The following RABGEF1 variants were observed in gnomAD, a reference collection of about 807,000 sequenced individuals.
RABGEF1 encodes rab5 GDP/GTP exchange factor.
In RABGEF1, 26 loss-of-function variants were observed where a neutral mutation model predicts 57.3. The ratio of observed to expected loss-of-function variants is 0.45; its 90% CI spans 0.33 to 0.63. RABGEF1 has a LOEUF of 0.63. RABGEF1 is among the 20% of genes least tolerant of loss of function. The pLI is 0.02. For synonymous variants in RABGEF1, 185 were observed against 210.7 expected, an observed-to-expected ratio of 0.88 and a Z score of 1.06; for missense variants, 464 against 607.6, an observed-to-expected ratio of 0.76 and a Z score of 2.48.
At chr7:66,706,780 T>G (rs1794158459) in intron 1 of RABGEF1, among the ~76,000 whole-genome samples, 1 of 100,636 alleles carries the variant, frequency 9.9e-6, no homozygotes, top group Non-Finnish European at 2.2e-5. Context: ...ACATACTGGT[T>G]TTTTTTTTTT....
upstream of RABGEF1, among the ~76,000 whole-genome samples, chr7:66,681,618 G>A (rs1789746142): frequency 6.6e-6 from 1 of 152,024 alleles, no homozygotes. Flanking sequence ...GGCCCAGGGT[G>A]GTCTCGAACT....
intron 3 of RABGEF1, among the ~76,000 whole-genome samples, chr7:66,779,671 A>T (rs532142277): frequency 2.4e-4 from 26 of 110,278 alleles, no homozygotes; most frequent in Middle Eastern, 4.6e-3. Context: ...GACCCTGATT[A>T]AAAAAAAAAA....
At chr7:66,784,803 A>G (rs1810768654) in intron 4 of RABGEF1, among the ~76,000 whole-genome samples, 1 of 151,712 alleles carries the variant, frequency 6.6e-6, no homozygotes, top group African/African-American at 2.4e-5. Context: ...TTCTCTAGGT[A>G]TTTTTTCTCT....
At chr7:66,799,716 T>G (rs1053844613) in intron 7 of RABGEF1, among the ~76,000 whole-genome samples, 3 of 152,180 alleles carry the variant, frequency 2.0e-5, no homozygotes, top group Non-Finnish European at 2.9e-5. Context: ...TTAGTTTTTA[T>G]TCAGCTGACT....
chr7:66,728,332 G>C (rs1236361106), intron 2 of RABGEF1, among the ~76,000 whole-genome samples: 2 of 152,278 alleles, frequency 1.3e-5, no homozygotes, highest in East Asian at 3.9e-4. Flanking sequence ...ATGCTCTTCA[G>C]GGACCCTGAC....
chr7:66,707,636 C>T (rs936256306), intron 1 of RABGEF1, among the ~76,000 whole-genome samples: 8 of 152,084 alleles, frequency 5.3e-5, no homozygotes, highest in African/African-American at 7.2e-5. Flanking sequence ...TGCAGTGAGC[C>T]GAGACTGCAC....
chr7:66,663,358 A>T, the RABGEF1 span, among the ~76,000 whole-genome samples: 20 of 152,196 alleles, frequency 1.3e-4, no homozygotes, highest in East Asian at 3.7e-3. Flanking sequence ...TTTAATTCCT[A>T]TAGTGCCGCT....
intron 1 of RABGEF1, among the ~76,000 whole-genome samples, chr7:66,751,274 G>A (rs1266631821): frequency 1.3e-5 from 2 of 152,108 alleles, no homozygotes; most frequent in African/African-American, 2.4e-5. Context: ...CAGGTGATCC[G>A]CCTGCCTCGG....
chr7:66,785,805 C>T (rs1411091353), intron 4 of RABGEF1, among the ~76,000 whole-genome samples: 3 of 151,742 alleles, frequency 2.0e-5, no homozygotes, highest in Admixed American at 6.6e-5. Context: ...ACCTGGGAGG[C>T]GGAGCTTGCA....
intron 7 of RABGEF1, among the ~76,000 whole-genome samples, chr7:66,801,827 T>C (rs146182414): frequency 6.6e-6 from 1 of 152,346 alleles, no homozygotes; most frequent in African/African-American, 2.4e-5. Context: ...TGTGTGGCTA[T>C]GGGGGCAGTG....
Position 66,797,494 on chromosome 7 carries a change from A to T in RABGEF1, c.716A>T (p.Gln239Leu). The T allele has an allele frequency of 6.2e-7, 1 of 1,608,992 alleles. No homozygotes were observed. Among genetic ancestry groups the T allele is most frequent in the Non-Finnish European group, 8.5e-7 (1 of 1,178,882 alleles). The part of the protein sequence containing the change: ...TDDEKKDLAI[Q>L]KRIRALRWVT... The stretch of plus-strand genomic sequence containing the variant: ...GATGAGAAGAAAGATCTTGCCATTC[A>T]AAAGAGAATCAGGTAGTTGCTTATT... The change falls in exon 6 of 9, where the codon CAA becomes CTA. Residue 239 changes from glutamine (Q) to leucine (L), a missense_variant. Coordinates refer to ENST00000284957, the MANE Select transcript of RABGEF1 (RefSeq NM_014504.3).
At chr7:66,744,655 C>T (rs948968639) in intron 1 of RABGEF1, among the ~76,000 whole-genome samples, 2 of 135,408 alleles carry the variant, frequency 1.5e-5, no homozygotes, top group Non-Finnish European at 3.1e-5. Context: ...GCGACAGAGC[C>T]AGACTCCGTC....
chr7:66,706,631 G>T (rs937316893), intron 1 of RABGEF1, among the ~76,000 whole-genome samples: 2 of 151,590 alleles, frequency 1.3e-5, no homozygotes, highest in South Asian at 2.1e-4. Context: ...GGATGGTCTC[G>T]ATCTCCTGAC....
chr7:66,783,361 T>C (rs1810416157), intron 3 of RABGEF1, among the ~76,000 whole-genome samples: 1 of 152,232 alleles, frequency 6.6e-6, no homozygotes, highest in African/African-American at 2.4e-5. Flanking sequence ...AGTGGTGCCA[T>C]TTCAGTGTTC....
intron 2 of RABGEF1, among the ~76,000 whole-genome samples, chr7:66,725,883 T>A (rs1212782241): frequency 6.6e-6 from 1 of 152,228 alleles, no homozygotes; most frequent in Non-Finnish European, 1.5e-5. Context: ...GACCCTTCCA[T>A]GTGAAGACCC....
At chr7:66,742,549 G>A (rs1799227064) in intron 1 of RABGEF1, among the ~76,000 whole-genome samples, 1 of 152,162 alleles carries the variant, frequency 6.6e-6, no homozygotes, top group South Asian at 2.1e-4. Context: ...CTAACAGGGT[G>A]GAGTGAGGGA....
intron 2 of RABGEF1, among the ~76,000 whole-genome samples, chr7:66,727,249 T>G (rs1562741588): frequency 6.6e-6 from 1 of 152,210 alleles, no homozygotes; most frequent in African/African-American, 2.4e-5. Flanking sequence ...AAAATCCAGT[T>G]ACTCAACTAC....
chr7:66,686,113 CTACTAA>C (rs750830713), intron 1 of RABGEF1, among the ~76,000 whole-genome samples: 1 of 152,050 alleles, frequency 6.6e-6, no homozygotes, highest in Non-Finnish European at 1.5e-5. Context: ...AACCCCGTCT[CTACTAA>C]AATACAGAAA....
chr7:66,772,917 A>AT (rs1554317021), intron 2 of RABGEF1, among the ~76,000 whole-genome samples: 1 of 151,014 alleles, frequency 6.6e-6, no homozygotes, highest in Non-Finnish European at 1.5e-5. Context: ...GTCTCAAAAA[A>AT]AAATAAATAA....
Sources: allele counts gnomAD v4.1 joint callset (sites outside exome capture counted in the v4.1 genomes callset), GRCh38; gene constraint gnomAD v4.1.1; transcripts MANE v1.5; gene names NCBI Gene and HGNC (gene_info 2026-07-23, HGNC 2026-07-21).